The following FKBP1A variants were observed in gnomAD, a reference collection of about 807,000 sequenced individuals.
FKBP1A encodes the protein FKBP prolyl isomerase 1A.
Under a neutral mutation model 14.2 loss-of-function variants are expected in FKBP1A, and 5 were observed. The observed-to-expected ratio is 0.35, with a 90% CI of 0.18 to 0.74. FKBP1A has a LOEUF of 0.74. Among genes scored for constraint, FKBP1A ranks in the 30% least tolerant of loss-of-function variants. The probability of loss-of-function intolerance (pLI) is 0.56; values close to 1 mark genes in which losing one functional copy is unlikely to be tolerated. For missense variants in FKBP1A, 53 were observed against 138.8 expected (o/e 0.38, Z 3.10); for synonymous variants, 42 against 49.1 (o/e 0.86, Z 0.60).
chr20:1,375,387 G>A (rs1004274168), intron 3 of FKBP1A, 104 bp downstream of exon 3: 5 of 779,706 alleles, frequency 6.4e-6, no homozygotes, highest in African/African-American at 1.8e-5. Flanking sequence ...ATGAGGGTGA[G>A]ACTTTTCACT....
intron 2 of FKBP1A, among the ~76,000 whole-genome samples, chr20:1,383,320 A>C (rs1276700897): frequency 6.6e-6 from 1 of 150,810 alleles, no homozygotes; most frequent in Non-Finnish European, 1.5e-5. Flanking sequence ...AGCATTTTAC[A>C]GGGACAAAAT....
intron 2 of FKBP1A, 87 bp from the exon 3 acceptor site, chr20:1,375,690 C>T (rs1331988171): frequency 2.1e-6 from 2 of 955,450 alleles, no homozygotes; most frequent in African/African-American, 1.6e-5. Flanking sequence ...ATCAGAGATG[C>T]CAGTGCTGAA....
chr20:1,371,238 T>C (rs949569695), intron 4 of FKBP1A: 1 of 981,938 alleles, frequency 1.0e-6, no homozygotes, highest in African/African-American at 1.8e-5. Flanking sequence ...AACACTTACA[T>C]GAAAAGTTAC....
At chr20:1,383,664 A>T (rs980838037) in intron 2 of FKBP1A, among the ~76,000 whole-genome samples, 3 of 142,830 alleles carry the variant, frequency 2.1e-5, no homozygotes, top group African/African-American at 8.1e-5. Context: ...CATGTCCCCA[A>T]TCCTGTTTCT....
chr20:1,370,021 A>G lies in FKBP1A; in HGVS notation c.*88T>C, dbSNP rs1392394986. The G allele has an allele frequency of 6.5e-6, 10 of 1,550,174 alleles. No homozygotes were observed. The highest frequency in any genetic ancestry group is 8.7e-6 in the Non-Finnish European group (10 of 1,146,828). The stretch of plus-strand genomic sequence containing the variant: ...GGAGTGGAACATCAGGAAAAGCTCC[A>G]TATGGATTCATGTGCACATGTCTGG... On this transcript the variant is annotated 3_prime_UTR_variant, in exon 5 of 5. Transcript: ENST00000400137.
At chr20:1,370,422 A>C (rs2089448457) in intron 4 of FKBP1A, 2 of 979,146 alleles carry the variant, frequency 2.0e-6, no homozygotes, top group Non-Finnish European at 2.4e-6. Flanking sequence ...GGGCTTTAAA[A>C]AACTCTTAAT....
intron 2 of FKBP1A, among the ~76,000 whole-genome samples, chr20:1,380,641 T>C (rs111665504): frequency 1.2e-3 from 190 of 152,296 alleles, no homozygotes; most frequent in African/African-American, 4.4e-3. Context: ...ACTTAAATGC[T>C]TCTCAGTATA....
rs1568589632 is a variant in FKBP1A at position 1,381,493 on chromosome 20, A to AT, written c.86-5891dup. Among the ~76,000 whole-genome samples the AT allele has an allele frequency of 1.1e-4, 16 of 152,358 alleles. No homozygotes were observed. The South Asian group carries it at 3.3e-3, about 32-fold the overall frequency. ...ATTCTCATACACTGCTAGTGGGAATATAACATAAAGCTTCAGAAAACAGCT... is the reference window on the plus strand; with the variant it reads ...ATTCTCATACACTGCTAGTGGGAATATTAACATAAAGCTTCAGAAAACAGCT... On this transcript the variant is annotated intron_variant, in intron 2 of 4. Coordinates refer to ENST00000400137, the MANE Select transcript of FKBP1A (RefSeq NM_000801.5).
chr20:1,375,009 G>T (rs868330547), intron 3 of FKBP1A, among the ~76,000 whole-genome samples: 1 of 152,110 alleles, frequency 6.6e-6, no homozygotes, highest in East Asian at 1.9e-4. Context: ...GCTAATTTTT[G>T]TATTTTTAAT....
Position 1,369,526 on chromosome 20 carries a change from A to G in FKBP1A, c.*583T>C, listed in dbSNP as rs904153091. On this transcript the variant is annotated 3_prime_UTR_variant, in exon 5 of 5. Coordinates refer to ENST00000400137, the MANE Select transcript of FKBP1A (RefSeq NM_000801.5). The stretch of plus-strand genomic sequence containing the variant: ...GAGGGTGGGTGGGAATGGTGGAGGC[A>G]AAGGCTCTCCCCATCCCCACCTCAG... The G allele has an allele frequency of 1.8e-5, 3 of 167,528 alleles. No individual in the cohort carries two copies. The highest frequency in any genetic ancestry group is 7.2e-5 in the African/African-American group (3 of 41,422). The allele number at this position is 167,528 out of a possible 1,614,324, so 10.4% of individuals were successfully genotyped here.
At chr20:1,383,950 C>T (rs535770265) in intron 2 of FKBP1A, among the ~76,000 whole-genome samples, 2 of 152,046 alleles carry the variant, frequency 1.3e-5, no homozygotes, top group Non-Finnish European at 2.9e-5. Flanking sequence ...GGGCGTATGG[C>T]TCAAGGTCTA....
chr20:1,387,741 C>T (rs188247445), intron 2 of FKBP1A, among the ~76,000 whole-genome samples: 140 of 151,762 alleles, frequency 9.2e-4, no homozygotes, highest in African/African-American at 3.1e-3. Context: ...TTCAGAAGGC[C>T]GGATGGGAGG....
In FKBP1A at chr20:1,379,681, G is replaced by A. The variant is rs1472182928; in HGVS notation, c.86-4078C>T. ...ATCTACTTTCTAAGGAGAAATCTTC[G>A]CAGGGCAGGGTTGGGTGGTGGCAGT... On this transcript the variant is annotated intron_variant, in intron 2 of 4. Coordinates refer to ENST00000400137, the MANE Select transcript of FKBP1A (RefSeq NM_000801.5). The surrounding 1 kb of genome is among the most constrained non-coding windows in gnomAD (Gnocchi z 4.3). Among the ~76,000 whole-genome samples, 3 of 152,190 alleles carry A rather than the reference G, an allele frequency of 2.0e-5. No homozygotes were observed. Among genetic ancestry groups the A allele is most frequent in the African/African-American group, 2.4e-5 (1 of 41,442 alleles).
chr20:1,383,329 A>G (rs951200066), intron 2 of FKBP1A, among the ~76,000 whole-genome samples: 5 of 147,890 alleles, frequency 3.4e-5, no homozygotes, highest in African/African-American at 1.0e-4. Context: ...CAGGGACAAA[A>G]TATGGGAAGT....
chr20:1,392,963 G>A lies in FKBP1A; in HGVS notation c.36C>T (p.Asp12=), dbSNP rs2089760005. ...GVQVETISPG[D]GRTFPKRGQT... ...GAGCCGCCGCGCGCCACTACTCACC[G>A]TCTCCTGGGGAGATGGTTTCCACCT... The change falls in exon 1 of 5, where the codon GAC becomes GAT. Residue 12 remains aspartate (D), a splice_region_variant and synonymous_variant. Transcript: ENST00000400137. 2 of 1,498,952 alleles carry A rather than the reference G, an allele frequency of 1.3e-6. No individual in the cohort carries two copies. The highest frequency in any genetic ancestry group is 1.8e-6 in the Non-Finnish European group (2 of 1,131,470). The allele number at this position is 1,498,952 out of a possible 1,614,324, so 92.9% of individuals were successfully genotyped here.
chr20:1,383,915 G>C (rs1440816507), intron 2 of FKBP1A, among the ~76,000 whole-genome samples: 6 of 151,778 alleles, frequency 4.0e-5, no homozygotes, highest in African/African-American at 1.5e-4. Context: ...CTTTGCATTT[G>C]AAGCCACTCA....
At chr20:1,382,022 T>A (rs1234152013) in intron 2 of FKBP1A, among the ~76,000 whole-genome samples, 1 of 152,188 alleles carries the variant, frequency 6.6e-6, no homozygotes, top group Non-Finnish European at 1.5e-5. Flanking sequence ...TCAGTAACTT[T>A]TTTAAAAAAG....
intron 2 of FKBP1A, among the ~76,000 whole-genome samples, 184 bp from the exon 3 acceptor site, chr20:1,375,787 C>G (rs2089533075): frequency 6.6e-6 from 1 of 152,110 alleles, no homozygotes; most frequent in South Asian, 2.1e-4. Context: ...TACTCCAGAC[C>G]TGTGAATGCT....
chr20:1,389,358 A>C (rs2089706473), intron 2 of FKBP1A, among the ~76,000 whole-genome samples: 1 of 152,200 alleles, frequency 6.6e-6, no homozygotes, highest in South Asian at 2.1e-4. Flanking sequence ...CGTCAGGGGA[A>C]GCCATCTGAG....
Sources: allele counts gnomAD v4.1 joint callset (sites outside exome capture counted in the v4.1 genomes callset), GRCh38; gene constraint gnomAD v4.1.1; non-coding constraint Gnocchi (gnomAD v3.1); transcripts MANE v1.5; gene names NCBI Gene and HGNC (gene_info 2026-07-23, HGNC 2026-07-21).